Variants in ZBTB34 observed in about 807,000 individuals in gnomAD.
The protein encoded by ZBTB34 is zinc finger and BTB domain containing 34.
In ZBTB34, 1 loss-of-function variant was observed where a neutral mutation model predicts 33.4. The observed-to-expected ratio is 0.03, with a 90% CI of 0.01 to 0.14. The LOEUF is 0.14. ZBTB34 is among the 10% of genes least tolerant of loss of function. The pLI is 1.00. For missense variants in ZBTB34, 406 were observed against 657.2 expected (o/e 0.62, Z 4.18); for synonymous variants, 283 against 253.5 (o/e 1.12, Z -1.11).
chr9:126,874,015 A>C (rs1045824872), intron 1 of ZBTB34, among the ~76,000 whole-genome samples: 4 of 141,030 alleles, frequency 2.8e-5, no homozygotes, highest in Non-Finnish European at 4.6e-5. Context: ...TTGATTTGTG[A>C]GAGACTCTGC....
chr9:126,870,105 A>G (rs1395020085), intron 1 of ZBTB34, among the ~76,000 whole-genome samples: 1 of 152,214 alleles, frequency 6.6e-6, no homozygotes, highest in African/African-American at 2.4e-5. Context: ...GAATAATGTG[A>G]CAGAAACACC....
Position 126,879,492 on chromosome 9 carries a change from G to A in ZBTB34, c.93G>A (p.Leu31=). 6.2e-7 allele frequency: 1 copy of A among 1,613,940 alleles called. No homozygotes were observed. Among genetic ancestry groups the A allele is most frequent in the East Asian group, 2.2e-5 (1 of 44,890 alleles). The change falls in exon 2 of 2, where the codon CTG becomes CTA. Residue 31 remains leucine, a synonymous_variant. Transcript: ENST00000319119. This position sits in a 1 kb window ranked among gnomAD's most constrained non-coding sequence, Gnocchi z 6.4. ...TGAGCCAGCTAAACGAACTCCGCCT[G>A]CAGGGGAAACTATGTGACATCATTG... is the stretch of plus-strand genomic sequence containing the variant.
intron 1 of ZBTB34, among the ~76,000 whole-genome samples, chr9:126,861,216 C>G (rs1215927466): frequency 2.0e-5 from 3 of 152,232 alleles, no homozygotes; most frequent in South Asian, 4.1e-4. Context: ...GCCGCTGCCT[C>G]ACGCCACCGC....
At chr9:126,868,201 G>T (rs1437046888) in intron 1 of ZBTB34, among the ~76,000 whole-genome samples, 3 of 152,106 alleles carry the variant, frequency 2.0e-5, no homozygotes, top group African/African-American at 7.2e-5. Context: ...CTTGTGTGTT[G>T]TTGCAGAGCA....
chr9:126,885,425 G>C (rs1390036009), exon 2 of ZBTB34: 2 of 167,068 alleles, frequency 1.2e-5, no homozygotes. Context: ...TATTGTAAGA[G>C]GTAAACTTAC....
At chr9:126,872,135 G>C (rs768935422) in intron 1 of ZBTB34, among the ~76,000 whole-genome samples, 1 of 152,010 alleles carries the variant, frequency 6.6e-6, no homozygotes, top group Non-Finnish European at 1.5e-5. Flanking sequence ...ATTTTCAGTA[G>C]AGACGGGGTT....
Position 126,880,167 on chromosome 9 carries a change from G to T in ZBTB34, c.768G>T (p.Leu256=), listed in dbSNP as rs781719184. ...CCAGCTGTTCCGACAGCTCCTCCCTGGGTGACGATGGGTACCACACCGAGA... is the reference window on the plus strand; with the variant it reads ...CCAGCTGTTCCGACAGCTCCTCCCTTGGTGACGATGGGTACCACACCGAGA... Residue 256 remains leucine, a synonymous_variant, in exon 2 of 2, where the codon CTG becomes CTT. Coordinates refer to ENST00000319119, the Ensembl canonical transcript of ZBTB34. This position sits in a 1 kb window ranked among gnomAD's most constrained non-coding sequence, Gnocchi z 6.7. The T allele has an allele frequency of 6.2e-7, 1 of 1,613,782 alleles. No homozygotes were observed. Among genetic ancestry groups the T allele is most frequent in the Non-Finnish European group, 8.5e-7 (1 of 1,179,886 alleles).
chr9:126,869,257 T>C (rs936590843), intron 1 of ZBTB34, among the ~76,000 whole-genome samples: 10 of 135,090 alleles, frequency 7.4e-5, no homozygotes, highest in African/African-American at 2.8e-4. Context: ...GTAACACAGG[T>C]CCAGCTCGCT....
rs751698648 is a variant in ZBTB34 at position 126,880,958 on chromosome 9, A to ATATTTGTGATT, written c.*46_*56dup. ...CCAAACAAAGCACATTAATCAATGC[A>ATATTTGTGATT]TATTTGTGATTTGCTTTGTTGTAAT... On this transcript the variant is annotated 3_prime_UTR_variant, in exon 2 of 2. Transcript: ENST00000319119. The surrounding 1 kb of genome is among the most constrained non-coding windows in gnomAD (Gnocchi z 6.7). The ATATTTGTGATT allele has an allele frequency of 2.6e-6, 4 of 1,534,238 alleles. No homozygotes were observed. The South Asian group carries it at 4.9e-5, about 19-fold the overall frequency.
Position 126,879,962 on chromosome 9 carries a change from C to T in ZBTB34, c.563C>T (p.Thr188Met), listed in dbSNP as rs372194342. The T allele has an allele frequency of 3.3e-5, 54 of 1,613,268 alleles. No individual in the cohort carries two copies. The Middle Eastern group carries it at 8.2e-4, about 25-fold the overall frequency. Residue 188 changes from threonine to methionine, a missense_variant, in exon 2 of 2, where the codon ACG becomes ATG. By Grantham distance (81) the Thr-to-Met change is moderately conservative (BLOSUM62 -1). This residue lies in a region of ZBTB34 where 137 missense variants were observed against 173.0 expected (regional missense o/e 0.79). Transcript: ENST00000319119. The surrounding 1 kb of genome is among the most constrained non-coding windows in gnomAD (Gnocchi z 6.4). ...GCAAGCAGTGACCTCCGGATGGAGACGACCCCCAGCAAAGCTTTGCGCAGC... is the reference window on the plus strand; with the variant it reads ...GCAAGCAGTGACCTCCGGATGGAGATGACCCCCAGCAAAGCTTTGCGCAGC...
chr9:126,865,760 G>A (rs928459311), intron 1 of ZBTB34, among the ~76,000 whole-genome samples: 3 of 152,186 alleles, frequency 2.0e-5, no homozygotes, highest in African/African-American at 7.2e-5. Context: ...TGAGGCAGGC[G>A]GATCCCTTGA....
rs2033415077 is a variant in ZBTB34, at chr9:126,880,092, G to A, written c.693G>A (p.Arg231=). 6.2e-7 allele frequency: 1 copy of A among 1,613,690 alleles called. No individual in the cohort carries two copies. Among genetic ancestry groups the A allele is most frequent in the Non-Finnish European group, 8.5e-7 (1 of 1,179,868 alleles). The change falls in exon 2 of 2, where the codon AGG becomes AGA. Residue 231 remains arginine (R), a synonymous_variant. Coordinates refer to ENST00000319119, the Ensembl canonical transcript of ZBTB34. The surrounding 1 kb of genome is among the most constrained non-coding windows in gnomAD (Gnocchi z 6.7). Reference sequence around the variant, plus strand: ...ATGAGCAAGGAGACCTATTGGTGAGGGAGAGCCAGATCACCGAGGTGAAAG... The same window carrying A: ...ATGAGCAAGGAGACCTATTGGTGAGAGAGAGCCAGATCACCGAGGTGAAAG...
In ZBTB34 at chr9:126,880,098, C is replaced by G; in HGVS notation, c.699C>G (p.Ser233Arg). The change falls in exon 2 of 2, where the codon AGC (serine) becomes AGG (arginine). Residue 233 changes from serine (S) to arginine (R), a missense_variant. This residue lies in a region of ZBTB34 where 137 missense variants were observed against 173.0 expected (regional missense o/e 0.79). Transcript: ENST00000319119. The surrounding 1 kb of genome is among the most constrained non-coding windows in gnomAD (Gnocchi z 6.7). ...AAGGAGACCTATTGGTGAGGGAGAG[C>G]CAGATCACCGAGGTGAAAGTGAAGA... 4 of 1,613,656 alleles carry G rather than the reference C, an allele frequency of 2.5e-6. No individual in the cohort carries two copies. The highest frequency in any genetic ancestry group is 3.4e-6 in the Non-Finnish European group (4 of 1,179,866).
chr9:126,874,478 C>T (rs760652678), intron 1 of ZBTB34, among the ~76,000 whole-genome samples: 54 of 152,036 alleles, frequency 3.6e-4, no homozygotes, highest in Non-Finnish European at 1.8e-4. Flanking sequence ...TACGTTTGTT[C>T]TGGTATCTTT....
intron 1 of ZBTB34, among the ~76,000 whole-genome samples, chr9:126,870,540 C>T (rs2033263329): frequency 6.6e-6 from 1 of 152,168 alleles, no homozygotes; most frequent in South Asian, 2.1e-4. Context: ...ATAAAAAAGG[C>T]AAATAAGGGC....
At chr9:126,867,364 C>T (rs1291212343) in intron 1 of ZBTB34, among the ~76,000 whole-genome samples, 1 of 151,446 alleles carries the variant, frequency 6.6e-6, no homozygotes, top group African/African-American at 2.4e-5. Flanking sequence ...AAAATGGTAT[C>T]TCATTATTTT....
exon 2 of ZBTB34, chr9:126,884,716 A>G (rs985562671): frequency 5.2e-4 from 87 of 167,128 alleles, no homozygotes; most frequent in African/African-American, 2.1e-3. Flanking sequence ...CCCTAGGAAA[A>G]ATTTGCAGGA....
intron 1 of ZBTB34, 148 bp downstream of exon 1, chr9:126,860,887 C>T (rs1195486451): frequency 2.0e-5 from 3 of 147,624 alleles, no homozygotes; most frequent in African/African-American, 7.4e-5. Flanking sequence ...GTCAGTCCCG[C>T]GGGCAGGCGG....
intron 1 of ZBTB34, among the ~76,000 whole-genome samples, chr9:126,867,447 C>CTTTTTTTTTTTTTTTTTTTCT (rs201325256): frequency 8.4e-6 from 1 of 119,514 alleles, no homozygotes; most frequent in African/African-American, 3.1e-5. Context: ...TGTCATTTTT[C>CTTTTTTTTTTTTTTTTTTTCT]TTTTTTTTTT....
Sources: allele counts gnomAD v4.1 joint callset (sites outside exome capture counted in the v4.1 genomes callset), GRCh38; gene constraint gnomAD v4.1.1; regional missense constraint gnomAD v4.1.1; non-coding constraint Gnocchi (gnomAD v3.1); transcripts MANE v1.5; gene names NCBI Gene and HGNC (gene_info 2026-07-23, HGNC 2026-07-21).